The following PROM1 variants were observed in gnomAD, a reference collection of about 807,000 sequenced individuals.
The protein encoded by PROM1 is prominin 1, also known as prominin-1.
PROM1 carries 105 observed loss-of-function variants against 116.9 expected under a neutral mutation model. That is an observed-to-expected ratio of 0.90 (90% confidence interval 0.77 to 1.06). PROM1 has a LOEUF of 1.06. PROM1 is among the 50% of genes least tolerant of loss of function. The pLI is 0.00. For missense variants in PROM1, 1,122 were observed against 1,045.2 expected, an observed-to-expected ratio of 1.07 and a Z score of -1.01; for synonymous variants, 393 against 387.0, an observed-to-expected ratio of 1.02 and a Z score of -0.18.
At chr4:16,026,211 A>G (rs1214045391) in intron 5 of PROM1, among the ~76,000 whole-genome samples, 1 of 152,244 alleles carries the variant, frequency 6.6e-6, no homozygotes, top group Admixed American at 6.5e-5. Flanking sequence ...AAAATGTCTA[A>G]TGTAATAATT....
chr4:16,001,152 G>C (rs1723745190), intron 13 of PROM1, among the ~76,000 whole-genome samples: 1 of 152,156 alleles, frequency 6.6e-6, no homozygotes, highest in Non-Finnish European at 1.5e-5. Flanking sequence ...GGATGATGGA[G>C]ATGTAATATA....
chr4:16,061,728 C>T (rs116672998), intron 2 of PROM1, among the ~76,000 whole-genome samples: 1,526 of 152,246 alleles, frequency 0.01, 10 homozygotes, highest in Middle Eastern at 0.02. Flanking sequence ...GTTCTGAAGG[C>T]TAGCAATCCA....
At chr4:15,985,709 C>G (rs1200076692) in intron 22 of PROM1, 51 bp downstream of exon 22, 1 of 1,236,728 alleles carries the variant, frequency 8.1e-7, no homozygotes, top group Non-Finnish European at 1.2e-6. Context: ...TAGAAAATGG[C>G]TATCCTGAAA....
chr4:16,075,584 T>C, intron 2 of PROM1, 103 bp downstream of exon 2: 1 of 1,191,248 alleles, frequency 8.4e-7, no homozygotes. Flanking sequence ...AAGCAATCGC[T>C]AAAATACTGA....
chr4:16,065,010 C>A (rs527959265), intron 2 of PROM1, among the ~76,000 whole-genome samples: 3 of 152,354 alleles, frequency 2.0e-5, no homozygotes, highest in Non-Finnish European at 2.9e-5. Flanking sequence ...AAAGGCCACA[C>A]TTTGCATAGG....
rs138924596 is a variant in PROM1, at chr4:16,025,634, G to A, written c.510-322C>T. Reference sequence around the variant, plus strand: ...AAAAAGGTTATAAGGCAGCATGCATGATCCAGTCCCATTCCTGTCCTCATG... The same window carrying A: ...AAAAAGGTTATAAGGCAGCATGCATAATCCAGTCCCATTCCTGTCCTCATG... On this transcript the variant is annotated intron_variant, in intron 5 of 27. Transcript: ENST00000447510. 2.9e-3 allele frequency among the ~76,000 whole-genome samples: 448 copies of A among 152,306 alleles called. 1 individual carries two copies. Among genetic ancestry groups the A allele is most frequent in the African/African-American group, 0.01 (435 of 41,572 alleles).
chr4:16,023,434 A>C lies in PROM1; in HGVS notation c.695-19T>G. The C allele has an allele frequency of 1.9e-6, 3 of 1,556,508 alleles. No individual in the cohort carries two copies. The highest frequency in any genetic ancestry group is 2.3e-5 in the South Asian group (2 of 85,936). On this transcript the variant is annotated intron_variant, in intron 7 of 27. Coordinates refer to ENST00000447510, the MANE Select transcript of PROM1 (RefSeq NM_006017.3). ...TTGATACCTACATGCAAATAAGCAC[A>C]AAGATGGTGAGGGTGGCCTCTGCTC...
chr4:15,984,616 T>G (rs115415533), intron 22 of PROM1, among the ~76,000 whole-genome samples: 1,589 of 152,294 alleles, frequency 0.01, 26 homozygotes, highest in African/African-American at 0.036. Flanking sequence ...CCTCATCTCT[T>G]ATGTTACTGC....
intron 2 of PROM1, among the ~76,000 whole-genome samples, chr4:16,054,854 CG>C (rs543709238): frequency 7.2e-5 from 11 of 151,828 alleles, no homozygotes; most frequent in African/African-American, 2.7e-4. Flanking sequence ...ACTCGAGTTC[CG>C]GGGGGGAAAA....
chr4:16,071,544 G>A (rs534203503), intron 2 of PROM1, among the ~76,000 whole-genome samples: 1 of 152,118 alleles, frequency 6.6e-6, no homozygotes, highest in East Asian at 1.9e-4. Flanking sequence ...AGGTCATAAG[G>A]GTGAGACCTT....
At chr4:16,078,263 A>T (rs13145433) in intron 1 of PROM1, 14 of 152,408 alleles carry the variant, frequency 9.2e-5, no homozygotes, top group African/African-American at 3.1e-4. Context: ...GGTGTTTAGT[A>T]AGTGCCTGCT....
At chr4:15,990,447 C>T (rs1353075252) in intron 18 of PROM1, among the ~76,000 whole-genome samples, 1 of 152,202 alleles carries the variant, frequency 6.6e-6, no homozygotes, top group Non-Finnish European at 1.5e-5. Context: ...CTTCCCTCAT[C>T]ACTTACTATT....
At chr4:16,054,292 C>T (rs546550130) in intron 2 of PROM1, among the ~76,000 whole-genome samples, 4 of 152,096 alleles carry the variant, frequency 2.6e-5, no homozygotes, top group East Asian at 3.9e-4. Context: ...CCCTTTTACG[C>T]GGCCTCCATC....
intron 8 of PROM1, among the ~76,000 whole-genome samples, chr4:16,023,090 G>A (rs1401587987): frequency 6.1e-5 from 2 of 32,770 alleles, no homozygotes; most frequent in Non-Finnish European, 1.1e-4. Flanking sequence ...ACAGGTGGTG[G>A]GCCCCTAACA....
chr4:16,072,342 T>C (rs1431373918), intron 2 of PROM1, among the ~76,000 whole-genome samples: 1 of 152,168 alleles, frequency 6.6e-6, no homozygotes, highest in Non-Finnish European at 1.5e-5. Context: ...AGTCAGATGG[T>C]AAGAAAAGAG....
At chr4:16,009,926 C>T (rs532880116) in intron 11 of PROM1, among the ~76,000 whole-genome samples, 43 of 117,640 alleles carry the variant, frequency 3.7e-4, no homozygotes, top group African/African-American at 1.4e-3. Flanking sequence ...CATAGCAAGA[C>T]TCGCTCTCAA....
chr4:16,073,022 C>T (rs1048076152), intron 2 of PROM1, among the ~76,000 whole-genome samples: 3 of 152,156 alleles, frequency 2.0e-5, no homozygotes, highest in African/African-American at 7.2e-5. Flanking sequence ...CTTAAAAACC[C>T]CAATCCCTGA....
intron 2 of PROM1, among the ~76,000 whole-genome samples, chr4:16,060,065 A>T (rs1453940276): frequency 6.6e-6 from 1 of 152,198 alleles, no homozygotes; most frequent in Non-Finnish European, 1.5e-5. Context: ...ATAGGTCTGA[A>T]GAGACACAGA....
chr4:16,003,060 G>A (rs892870042), intron 13 of PROM1, among the ~76,000 whole-genome samples: 3 of 152,198 alleles, frequency 2.0e-5, no homozygotes, highest in African/African-American at 7.2e-5. Context: ...CTTGGGAAAA[G>A]CTTGCTGACT....
Sources: allele counts gnomAD v4.1 joint callset (sites outside exome capture counted in the v4.1 genomes callset), GRCh38; gene constraint gnomAD v4.1.1; transcripts MANE v1.5; gene names NCBI Gene and HGNC (gene_info 2026-07-23, HGNC 2026-07-21).